The following SPAG16 variants were observed in gnomAD, a reference collection of about 807,000 sequenced individuals.
SPAG16 encodes sperm associated antigen 16.
Under a neutral mutation model 80.4 loss-of-function variants are expected in SPAG16, and 86 were observed. The ratio of observed to expected loss-of-function variants is 1.07; its 90% CI spans 0.90 to 1.28. SPAG16 has a LOEUF of 1.28. SPAG16 is among the 50% of genes most tolerant of loss of function. The pLI is 0.00. For synonymous variants in SPAG16, 294 were observed against 265.9 expected (o/e 1.11, Z -1.03); for missense variants, 870 against 765.3 (o/e 1.14, Z -1.61).
intron 10 of SPAG16, among the ~76,000 whole-genome samples, chr2:213,834,566 G>A (rs1189603218): frequency 6.6e-6 from 1 of 152,156 alleles, no homozygotes; most frequent in East Asian, 1.9e-4. Context: ...GGACAGATGA[G>A]TAAGAGAGTG....
intron 10 of SPAG16, among the ~76,000 whole-genome samples, chr2:213,718,149 C>CA (rs71063769): frequency 0.66 from 60,498 of 92,264 alleles, 20,342 homozygotes; most frequent in Non-Finnish European, 0.77. Context: ...AACAAGTTTA[C>CA]AAAAAAAAAA....
chr2:213,307,667 G>A, intron 3 of SPAG16, among the ~76,000 whole-genome samples: 1 of 151,946 alleles, frequency 6.6e-6, no homozygotes, highest in Admixed American at 6.6e-5. Context: ...AATAAACATA[G>A]CAGCATGATT....
intron 15 of SPAG16, among the ~76,000 whole-genome samples, chr2:214,165,471 T>G (rs1301389113): frequency 9.7e-5 from 1 of 10,286 alleles, no homozygotes; most frequent in Non-Finnish European, 5.8e-4. Context: ...TCACCATCCT[T>G]TTTTTTTTTT....
At chr2:213,680,147 T>C (rs1237585418) in intron 10 of SPAG16, among the ~76,000 whole-genome samples, 2 of 152,098 alleles carry the variant, frequency 1.3e-5, no homozygotes, top group Admixed American at 6.6e-5. Context: ...GGGTGACACC[T>C]GATTCCCATG....
intron 15 of SPAG16, among the ~76,000 whole-genome samples, chr2:214,218,073 A>G (rs1559135937): frequency 1.3e-5 from 2 of 152,202 alleles, no homozygotes; most frequent in Non-Finnish European, 2.9e-5. Flanking sequence ...ATGGAAATCT[A>G]CATTTTCCAA....
chr2:213,976,235 C>T (rs563349769), intron 12 of SPAG16, among the ~76,000 whole-genome samples: 1 of 149,896 alleles, frequency 6.7e-6, no homozygotes, highest in Non-Finnish European at 1.5e-5. Flanking sequence ...CATATATACA[C>T]GTGTGTATAC....
intron 9 of SPAG16, among the ~76,000 whole-genome samples, chr2:213,391,892 G>A (rs1394549337): frequency 6.6e-6 from 1 of 152,174 alleles, no homozygotes; most frequent in African/African-American, 2.4e-5. Flanking sequence ...GAAACATGGA[G>A]ATTAGAGAAT....
intron 10 of SPAG16, among the ~76,000 whole-genome samples, chr2:213,538,739 CA>C (rs2076331163): frequency 6.6e-6 from 1 of 152,126 alleles, no homozygotes; most frequent in African/African-American, 2.4e-5. Context: ...GTTCAGTGCA[CA>C]AAAAATACTA....
At chr2:213,581,936 C>G (rs1177245938) in intron 10 of SPAG16, among the ~76,000 whole-genome samples, 1 of 152,080 alleles carries the variant, frequency 6.6e-6, no homozygotes, top group African/African-American at 2.4e-5. Flanking sequence ...TTGCAGTAAG[C>G]CATTTTCAGA....
intron 12 of SPAG16, among the ~76,000 whole-genome samples, 164 bp from the exon 13 acceptor site, chr2:214,013,787 G>A (rs1043002206): frequency 6.6e-6 from 1 of 152,104 alleles, no homozygotes; most frequent in African/African-American, 2.4e-5. Context: ...AAAGTGCTGA[G>A]AATATAAGGT....
intron 10 of SPAG16, among the ~76,000 whole-genome samples, chr2:213,498,726 C>T (rs2074603495): frequency 6.6e-6 from 1 of 152,106 alleles, no homozygotes; most frequent in Non-Finnish European, 1.5e-5. Context: ...CCAACTTTCT[C>T]CCATTTTATT....
intron 13 of SPAG16, among the ~76,000 whole-genome samples, chr2:214,068,749 A>C (rs1363473170): frequency 6.6e-6 from 1 of 152,144 alleles, no homozygotes; most frequent in Admixed American, 6.6e-5. Context: ...AGCCAGTAAA[A>C]ATTAGCTCCC....
intron 10 of SPAG16, among the ~76,000 whole-genome samples, chr2:213,644,913 C>T (rs562863335): frequency 6.6e-6 from 1 of 152,300 alleles, no homozygotes; most frequent in East Asian, 1.9e-4. Context: ...GGGGGCAAAA[C>T]CAGCCAGGCC....
At chr2:214,235,206 C>T (rs1688991280) in intron 15 of SPAG16, among the ~76,000 whole-genome samples, 1 of 151,912 alleles carries the variant, frequency 6.6e-6, no homozygotes, top group African/African-American at 2.4e-5. Flanking sequence ...AACCTAAGTC[C>T]AACAGCACAT....
chr2:213,372,675 T>C (rs1432580673), intron 8 of SPAG16, among the ~76,000 whole-genome samples: 2 of 152,144 alleles, frequency 1.3e-5, no homozygotes, highest in East Asian at 3.8e-4. Context: ...CATTTTAGTT[T>C]ACATGTGTCC....
chr2:213,384,867 C>T (rs940347371), intron 9 of SPAG16, among the ~76,000 whole-genome samples: 5 of 152,200 alleles, frequency 3.3e-5, no homozygotes, highest in Admixed American at 1.3e-4. Flanking sequence ...TATTGACTAT[C>T]TTCCTAGCGT....
chr2:213,681,701 G>A (rs2064393045), intron 10 of SPAG16, among the ~76,000 whole-genome samples: 1 of 152,082 alleles, frequency 6.6e-6, no homozygotes, highest in Non-Finnish European at 1.5e-5. Context: ...GGAAAGATGT[G>A]GGAAGCAAGA....
At chr2:213,853,307 T>C (rs972556747) in intron 10 of SPAG16, among the ~76,000 whole-genome samples, 3 of 152,204 alleles carry the variant, frequency 2.0e-5, no homozygotes, top group African/African-American at 7.2e-5. Flanking sequence ...TAATTAATAG[T>C]GTTCACCATA....
At chr2:213,492,401 T>A (rs916683296) in intron 10 of SPAG16, among the ~76,000 whole-genome samples, 2 of 151,626 alleles carry the variant, frequency 1.3e-5, no homozygotes, top group Non-Finnish European at 2.9e-5. Context: ...ATACAAAAAA[T>A]TAGCTGGGTG....
Sources: gnomAD v4.1 joint callset for allele counts (sites outside exome capture counted in the v4.1 genomes callset) on GRCh38, gnomAD v4.1.1 for gene constraint, MANE v1.5 for transcripts, NCBI Gene and HGNC (gene_info 2026-07-23, HGNC 2026-07-21) for gene names.